SEMA6D: variants seen among roughly 807,000 people sequenced by gnomAD.
SEMA6D encodes the protein semaphorin-6D.
SEMA6D carries 35 observed loss-of-function variants against 106.6 expected under a neutral mutation model. That is an observed-to-expected ratio of 0.33 (90% CI 0.25 to 0.44). The LOEUF is 0.44. Ranked by LOEUF, SEMA6D falls within the 20% of genes least tolerant of loss-of-function variation. The probability of loss-of-function intolerance (pLI) is 1.00; values close to 1 mark genes in which losing one functional copy is unlikely to be tolerated. For synonymous variants in SEMA6D, 499 were observed against 487.7 expected (o/e 1.02, Z -0.31); for missense variants, 1,185 against 1,345.9 (o/e 0.88, Z 1.87).
chr15:47,503,013 C>T (rs534466630), intron 3 of SEMA6D, among the ~76,000 whole-genome samples: 1 of 152,200 alleles, frequency 6.6e-6, no homozygotes, highest in Non-Finnish European at 1.5e-5. Flanking sequence ...ATATAAGTGA[C>T]AATATTTTTT....
chr15:47,423,541 G>A (rs550052087), intron 2 of SEMA6D, among the ~76,000 whole-genome samples: 1 of 152,038 alleles, frequency 6.6e-6, no homozygotes, highest in East Asian at 1.9e-4. Context: ...AAGAAACATA[G>A]ACTACAATTC....
At chr15:47,494,817 A>T (rs150737479) in intron 3 of SEMA6D, among the ~76,000 whole-genome samples, 1 of 140,912 alleles carries the variant, frequency 7.1e-6, no homozygotes, top group Non-Finnish European at 1.6e-5. Context: ...ACACACACAC[A>T]CACACACACA....
chr15:47,607,292 A>G (rs147170781), intron 4 of SEMA6D, among the ~76,000 whole-genome samples: 32 of 152,350 alleles, frequency 2.1e-4, no homozygotes, highest in African/African-American at 7.7e-4. Context: ...ATTGACCAAT[A>G]TGGTTAGATC....
chr15:47,468,902 C>T (rs1405396443), intron 2 of SEMA6D, among the ~76,000 whole-genome samples: 1 of 152,132 alleles, frequency 6.6e-6, no homozygotes, highest in Admixed American at 6.5e-5. Flanking sequence ...ACCAATTCCT[C>T]CTATTCCACC....
At position 47,771,386 on chromosome 15, in the gene SEMA6D, A is replaced by G. The variant is rs1436273926; in HGVS notation, c.2823A>G (p.Pro941=). The part of the protein sequence containing the change: ...SPPSTLPRNS[P]TKRVDVPTTP... ...CTTCAACTCTCCCCAGAAATAGCCCAACCAAGCGAGTGGATGTCCCCACCA... is the reference window on the plus strand; with the variant it reads ...CTTCAACTCTCCCCAGAAATAGCCCGACCAAGCGAGTGGATGTCCCCACCA... The change falls in exon 19 of 19, where the codon CCA becomes CCG. Residue 941 remains proline (P), a synonymous_variant. Transcript: ENST00000536845. 1.2e-6 allele frequency: 2 copies of G among 1,613,902 alleles called. No individual in the cohort carries two copies. The highest frequency in any genetic ancestry group is 1.7e-6 in the Non-Finnish European group (2 of 1,179,968).
chr15:47,676,693 C>A (rs1485648937), intron 4 of SEMA6D, among the ~76,000 whole-genome samples: 1 of 152,200 alleles, frequency 6.6e-6, no homozygotes, highest in Non-Finnish European at 1.5e-5. Context: ...AGAGCCAATG[C>A]AGGCTAGGGT....
chr15:47,228,295 A>C (rs2031947006), intron 1 of SEMA6D, among the ~76,000 whole-genome samples: 1 of 151,762 alleles, frequency 6.6e-6, no homozygotes, highest in African/African-American at 2.4e-5. Flanking sequence ...TTTTGTATGA[A>C]GACAAATGTA....
intron 4 of SEMA6D, among the ~76,000 whole-genome samples, chr15:47,627,829 T>C (rs1009523986): frequency 3.3e-5 from 5 of 152,104 alleles, no homozygotes; most frequent in Non-Finnish European, 5.9e-5. Flanking sequence ...TACCCTTCTA[T>C]AGACATATCC....
intron 4 of SEMA6D, among the ~76,000 whole-genome samples, chr15:47,707,549 T>G (rs947073437): frequency 3.3e-5 from 5 of 152,204 alleles, no homozygotes; most frequent in African/African-American, 1.2e-4. Flanking sequence ...CCAGTAAGAC[T>G]GCATGATTTC....
intron 1 of SEMA6D, among the ~76,000 whole-genome samples, chr15:47,369,815 A>G (rs933314676): frequency 2.6e-5 from 4 of 152,344 alleles, no homozygotes; most frequent in Admixed American, 2.0e-4. Flanking sequence ...GTAAGCAGTC[A>G]CATTTTTTCA....
At chr15:47,712,360 G>A (rs1264698277) in intron 4 of SEMA6D, among the ~76,000 whole-genome samples, 4 of 152,078 alleles carry the variant, frequency 2.6e-5, no homozygotes, top group African/African-American at 4.8e-5. Context: ...GGATTGAGGG[G>A]CAAACAAACC....
intron 4 of SEMA6D, among the ~76,000 whole-genome samples, chr15:47,700,834 A>T (rs1464425262): frequency 6.6e-6 from 1 of 152,220 alleles, no homozygotes; most frequent in East Asian, 1.9e-4. Flanking sequence ...CAGATATTTG[A>T]CAAAGAAGCA....
chr15:47,491,260 C>G (rs974201367), intron 3 of SEMA6D, among the ~76,000 whole-genome samples: 1 of 152,112 alleles, frequency 6.6e-6, no homozygotes, highest in African/African-American at 2.4e-5. Context: ...TGATAAGACA[C>G]TTTGACAAGA....
intron 1 of SEMA6D, among the ~76,000 whole-genome samples, chr15:47,290,038 G>GA (rs2035532619): frequency 6.6e-6 from 1 of 152,032 alleles, no homozygotes; most frequent in South Asian, 2.1e-4. Context: ...TGATCTTGAG[G>GA]AAAAAAATGT....
chr15:47,753,692 G>C (rs535293854), intron 1 of SEMA6D, among the ~76,000 whole-genome samples: 168 of 152,128 alleles, frequency 1.1e-3, no homozygotes, highest in Non-Finnish European at 2.0e-3. Flanking sequence ...TAAAGTCTTC[G>C]TAAAGCTAGA....
chr15:47,297,387 T>C (rs143165092), intron 1 of SEMA6D, among the ~76,000 whole-genome samples: 1 of 152,280 alleles, frequency 6.6e-6, no homozygotes, highest in East Asian at 1.9e-4. Context: ...TCAGTTTGTC[T>C]AGCCTTTTCA....
At chr15:47,672,276 A>C (rs922596083) in intron 4 of SEMA6D, among the ~76,000 whole-genome samples, 2 of 152,162 alleles carry the variant, frequency 1.3e-5, no homozygotes, top group African/African-American at 2.4e-5. Flanking sequence ...ACGTTGTCAT[A>C]CCACTGCAAA....
At chr15:47,478,704 A>G (rs899514459) in intron 3 of SEMA6D, among the ~76,000 whole-genome samples, 12 of 152,176 alleles carry the variant, frequency 7.9e-5, no homozygotes, top group Non-Finnish European at 1.8e-4. Context: ...TGGCAAGAGA[A>G]TAATGAACAC....
At chr15:47,513,841 C>A (rs1465991760) in intron 3 of SEMA6D, among the ~76,000 whole-genome samples, 2 of 152,208 alleles carry the variant, frequency 1.3e-5, no homozygotes, top group Admixed American at 1.3e-4. Context: ...AGTACTTACA[C>A]ATTGTAATGC....
Sources: allele counts gnomAD v4.1 joint callset (sites outside exome capture counted in the v4.1 genomes callset), GRCh38; gene constraint gnomAD v4.1.1; transcripts MANE v1.5; gene names NCBI Gene and HGNC (gene_info 2026-07-23, HGNC 2026-07-21).